Variants in NEB observed in about 807,000 individuals in gnomAD.
The protein encoded by NEB is nemaline myopathy type 2.
A neutral mutation model predicts 952.2 loss-of-function variants in NEB; 512 were observed. That is an observed-to-expected ratio of 0.54 (90% CI 0.50 to 0.58). The LOEUF is 0.58. Ranked by LOEUF, NEB falls within the 20% of genes least tolerant of loss-of-function variation. The pLI is 0.00. For synonymous variants in NEB, 2,900 were observed against 3,149.8 expected, an observed-to-expected ratio of 0.92 and a Z score of 2.66; for missense variants, 8,428 against 9,231.1, an observed-to-expected ratio of 0.91 and a Z score of 3.56.
At position 151,724,857 on chromosome 2, in the gene NEB, C is replaced by A; in HGVS notation, c.507G>T (p.Lys169Asn). Residue 169 changes from lysine (K) to asparagine (N), a missense_variant and splice_region_variant, in exon 7 of 182, where the codon AAG becomes AAT. Transcript: ENST00000397345. The part of the protein sequence containing the change: ...HAKKVSQQVS[K>N]VLYKQNWEDT... ...CCAGCCATCCATATCATTGCCTTACCTTACTGACTTGCTGCGACACTTTCT... is the reference window on the plus strand; with the variant it reads ...CCAGCCATCCATATCATTGCCTTACATTACTGACTTGCTGCGACACTTTCT... 1 of 1,612,400 alleles carries A rather than the reference C, an allele frequency of 6.2e-7. No individual in the cohort carries two copies. Among genetic ancestry groups the A allele is most frequent in the Non-Finnish European group, 8.5e-7 (1 of 1,178,874 alleles).
intron 162 of NEB, 110 bp from the exon 163 acceptor site, chr2:151,507,123 C>G (rs2069710292): frequency 2.9e-6 from 2 of 689,038 alleles, no homozygotes; most frequent in Non-Finnish European, 4.9e-6. Flanking sequence ...AAAAAAAAGT[C>G]TATGCACAAT....
intron 168 of NEB, 72 bp downstream of exon 168, chr2:151,501,319 A>C (rs1441434045): frequency 5.0e-6 from 5 of 1,004,832 alleles, no homozygotes; most frequent in Non-Finnish European, 6.1e-6. Flanking sequence ...TAAAGGGATG[A>C]ACAGTGAGAT....
chr2:151,574,059 C>T (rs2096743397), intron 107 of NEB, among the ~76,000 whole-genome samples: 2 of 152,184 alleles, frequency 1.3e-5, no homozygotes, highest in South Asian at 4.1e-4. Flanking sequence ...CTGCTAGCTC[C>T]GCCTCCTGGG....
At chr2:151,549,599 C>A (rs1166624607) in intron 130 of NEB, 37 bp downstream of exon 130, 2 of 1,376,740 alleles carry the variant, frequency 1.5e-6, no homozygotes, top group Admixed American at 3.9e-5. Context: ...TGCCACCCCA[C>A]CTTCAGACCC....
chr2:151,630,211 A>C (rs1366913746), intron 67 of NEB, among the ~76,000 whole-genome samples: 2 of 152,222 alleles, frequency 1.3e-5, no homozygotes, highest in Non-Finnish European at 2.9e-5. Flanking sequence ...CCACGTGTCT[A>C]TAAAATTGCA....
chr2:151,646,960 C>T (rs772197642), intron 54 of NEB, among the ~76,000 whole-genome samples: 3 of 151,456 alleles, frequency 2.0e-5, no homozygotes, highest in Admixed American at 6.6e-5. Context: ...TATAGTTATG[C>T]CTCATAATCA....
At chr2:151,687,068 GAC>G (rs964306034) in intron 27 of NEB, among the ~76,000 whole-genome samples, 9 of 152,104 alleles carry the variant, frequency 5.9e-5, no homozygotes, top group Non-Finnish European at 1.3e-4. Flanking sequence ...CCAAAGTAAA[GAC>G]AGTTTGAAAA....
intron 72 of NEB, 140 bp from the exon 73 acceptor site, chr2:151,619,902 G>A: frequency 1.2e-6 from 1 of 851,000 alleles, no homozygotes; most frequent in Non-Finnish European, 1.8e-6. Flanking sequence ...CCACATATTG[G>A]ACTGTTGTGC....
chr2:151,612,282 C>T lies in NEB; in HGVS notation c.11709G>A (p.Arg3903=), dbSNP rs570142622. 28 of 1,613,816 alleles carry T rather than the reference C, an allele frequency of 1.7e-5. No individual in the cohort carries two copies. The highest frequency in any genetic ancestry group is 2.3e-5 in the Non-Finnish European group (27 of 1,179,818). ...GCTGGTCTGCAGGCTGGCGATACTT[C>T]CTGTCACTCAGGATTTCTCCAGCTC... ...VKRAGEILSD[R]KYRQPADQLK... The change falls in exon 78 of 182, where the codon AGG becomes AGA. Residue 3903 remains arginine, a synonymous_variant. Transcript: ENST00000397345.
intron 12 of NEB, among the ~76,000 whole-genome samples, chr2:151,707,433 G>A (rs887250727): frequency 6.6e-6 from 1 of 152,174 alleles, no homozygotes; most frequent in Non-Finnish European, 1.5e-5. Context: ...CTAAAGAAAG[G>A]AAGCTGGAAG....
chr2:151,639,740 T>G, intron 62 of NEB, 117 bp downstream of exon 62: 1 of 845,362 alleles, frequency 1.2e-6, no homozygotes, highest in Non-Finnish European at 1.8e-6. Context: ...AATAGATACA[T>G]AGACAGATAG....
At chr2:151,657,941 C>A (rs2099104514) in intron 48 of NEB, 42 bp downstream of exon 48, 1 of 1,426,120 alleles carries the variant, frequency 7.0e-7, no homozygotes, top group East Asian at 2.3e-5. Flanking sequence ...ATTTCGGTTC[C>A]TTAGAAACCC....
Position 151,710,549 on chromosome 2 carries a change from G to T in NEB, c.823-11C>A, listed in dbSNP as rs766174618. ...TTCTTTGTATTTTTGCTAGAAAAAA[G>T]AAAAAGAAAATAAGACAAGCATAAC... On this transcript the variant is annotated splice_polypyrimidine_tract_variant and intron_variant, in intron 10 of 181. Coordinates refer to ENST00000397345, the MANE Select transcript of NEB (RefSeq NM_001164508.2). 2.6e-6 allele frequency: 4 copies of T among 1,516,552 alleles called. No homozygotes were observed. Among genetic ancestry groups the T allele is most frequent in the Non-Finnish European group, 9.1e-7 (1 of 1,102,500 alleles). 93.9% of individuals were successfully genotyped at this position (1,516,552 alleles called of 1,614,324 possible).
chr2:151,492,560 C>T lies in NEB; in HGVS notation c.24766-66G>A, dbSNP rs577919574. On this transcript the variant is annotated intron_variant, in intron 176 of 181. Coordinates refer to ENST00000397345, the MANE Select transcript of NEB (RefSeq NM_001164508.2). Reference sequence around the variant, plus strand: ...ATCTGAAACCTCAAAGCCTTTCCAGCAGATAGAGATGGATAGGAGCTGGTG... The same window carrying T: ...ATCTGAAACCTCAAAGCCTTTCCAGTAGATAGAGATGGATAGGAGCTGGTG... 157 of 1,236,206 alleles carry T rather than the reference C, an allele frequency of 1.3e-4. 2 individuals carry two copies. The South Asian group carries it at 2.0e-3, about 16-fold the overall frequency. The allele number at this position is 1,236,206 out of a possible 1,614,324, so 76.6% of individuals were successfully genotyped here. A position where few individuals can be genotyped will look rare whatever the true frequency, so the allele number is the denominator to read the frequency against.
At position 151,553,501 on chromosome 2, in the gene NEB, A is replaced by G. The variant is rs756123091; in HGVS notation, c.19628T>C (p.Ile6543Thr). The change falls in exon 127 of 182, where the codon ATT (isoleucine) becomes ACT (threonine). Residue 6543 changes from isoleucine (I) to threonine (T), a missense_variant and splice_region_variant. Ile to Thr is a moderately conservative substitution (Grantham distance 89). Transcript: ENST00000397345. ...VRKVTDQISD[I>T]VYKDDLNWLK... ...CCAGTTGAGGTCATCCTTGTATACA[A>G]TCTAGAGGGTTTTGATAGAAAGGAT... 5 of 1,602,110 alleles carry G rather than the reference A, an allele frequency of 3.1e-6. No individual in the cohort carries two copies. Among genetic ancestry groups the G allele is most frequent in the East Asian group, 2.2e-5 (1 of 44,804 alleles).
Position 151,527,502 on chromosome 2 carries a change from C to G in NEB, c.21819G>C (p.Lys7273Asn), listed in dbSNP as rs1421876532. 6.2e-7 allele frequency: 1 copy of G among 1,613,220 alleles called. No individual in the cohort carries two copies. The highest frequency in any genetic ancestry group is 1.7e-5 in the Admixed American group (1 of 59,948). The stretch of plus-strand genomic sequence containing the variant: ...TTACATCGCTTTGCTGCAGGGATGA[C>G]TTGGCAGCCTGGAGGAAGTCCGGTC... Reference protein sequence around the residue: ...PDRPDFLQAAKSSLQQSDFEY... With the variant: ...PDRPDFLQAANSSLQQSDFEY... The change falls in exon 147 of 182, where the codon AAG becomes AAC. Residue 7273 changes from lysine to asparagine, a missense_variant. Coordinates refer to ENST00000397345, the MANE Select transcript of NEB (RefSeq NM_001164508.2).
intron 3 of NEB, 85 bp from the exon 4 acceptor site, chr2:151,729,741 T>G: frequency 7.4e-7 from 1 of 1,360,304 alleles, no homozygotes. Flanking sequence ...CTTAGGTGAC[T>G]GCACTAGCTC....
At chr2:151,649,783 C>A (rs2099009936) in intron 54 of NEB, among the ~76,000 whole-genome samples, 1 of 152,138 alleles carries the variant, frequency 6.6e-6, no homozygotes, top group African/African-American at 2.4e-5. Flanking sequence ...GCATTATAAT[C>A]ATTTGTCAGG....
In NEB at chr2:151,644,534, A is replaced by G. The variant is rs757266049; in HGVS notation, c.7578T>C (p.Gly2526=). ...GTATGGCATCAACAGGAAGATCGTA[A>G]CCTTTTCTCTTCAGCTCCTCATAAC... ...RMGYEELKRK[G]YDLPVDAIPI... Residue 2526 remains glycine, a synonymous_variant, in exon 56 of 182, where the codon GGT becomes GGC. Coordinates refer to ENST00000397345, the MANE Select transcript of NEB (RefSeq NM_001164508.2). 1 of 1,613,926 alleles carries G rather than the reference A, an allele frequency of 6.2e-7. No homozygotes were observed. Among genetic ancestry groups the G allele is most frequent in the Non-Finnish European group, 8.5e-7 (1 of 1,179,848 alleles).
Sources: allele counts gnomAD v4.1 joint callset (sites outside exome capture counted in the v4.1 genomes callset), GRCh38; gene constraint gnomAD v4.1.1; transcripts MANE v1.5; gene names NCBI Gene and HGNC (gene_info 2026-07-23, HGNC 2026-07-21).